PAK1IP1: variants seen among roughly 807,000 people sequenced by gnomAD.
The protein encoded by PAK1IP1 is PAK1 interacting protein 1.
In PAK1IP1, 24 loss-of-function variants were observed where a neutral mutation model predicts 42.0. That is an observed-to-expected ratio of 0.57 (90% confidence interval 0.41 to 0.80). The LOEUF (loss-of-function observed/expected upper bound fraction) is 0.80, where lower values mean the gene tolerates loss of function less well. Among genes scored for constraint, PAK1IP1 ranks in the 30% least tolerant of loss-of-function variants. The pLI is 0.00. For missense variants in PAK1IP1, 411 were observed against 467.9 expected (o/e 0.88, Z 1.12); for synonymous variants, 154 against 156.7 (o/e 0.98, Z 0.13).
chr6:10,705,446 A>T (rs764073606), intron 7 of PAK1IP1, among the ~76,000 whole-genome samples: 1 of 152,224 alleles, frequency 6.6e-6, no homozygotes, highest in African/African-American at 2.4e-5. Context: ...ACAAAAGACT[A>T]AACAATCTTG....
At chr6:10,702,692 C>A in intron 4 of PAK1IP1, 53 bp downstream of exon 4, 1 of 1,234,042 alleles carries the variant, frequency 8.1e-7, no homozygotes, top group Non-Finnish European at 1.2e-6. Flanking sequence ...TTTACTACAG[C>A]TCTCCACCAT....
chr6:10,701,430 T>C (rs1018211288), intron 2 of PAK1IP1, among the ~76,000 whole-genome samples: 9 of 152,212 alleles, frequency 5.9e-5, no homozygotes, highest in African/African-American at 1.7e-4. Context: ...GGCTTCCAAC[T>C]CCATCCACAT....
intron 7 of PAK1IP1, among the ~76,000 whole-genome samples, chr6:10,706,495 A>G (rs1561894604): frequency 6.6e-6 from 1 of 152,132 alleles, no homozygotes; most frequent in Non-Finnish European, 1.5e-5. Context: ...CTTCATCTAT[A>G]TGCCCAGCCA....
chr6:10,693,916 A>G (rs191984446), upstream of PAK1IP1, among the ~76,000 whole-genome samples: 54 of 152,114 alleles, frequency 3.5e-4, no homozygotes, highest in East Asian at 7.6e-3. Context: ...TTTTGTAGAG[A>G]CGGCATCAAA....
At chr6:10,702,254 AGAAAAAG>A in intron 2 of PAK1IP1, 108 bp from the exon 3 acceptor site, 2 of 835,068 alleles carry the variant, frequency 2.4e-6, no homozygotes, top group Non-Finnish European at 1.8e-6. Flanking sequence ...AAAAAAAAAA[AGAAAAAG>A]AAAAAAAGGT....
chr6:10,696,486 CTG>C (rs1236299432), intron 1 of PAK1IP1, among the ~76,000 whole-genome samples: 1 of 151,874 alleles, frequency 6.6e-6, no homozygotes, highest in Non-Finnish European at 1.5e-5. Context: ...GTGTGTGTGT[CTG>C]TGTATTTTGC....
At chr6:10,697,085 T>C (rs1052569574) in intron 1 of PAK1IP1, among the ~76,000 whole-genome samples, 1 of 152,236 alleles carries the variant, frequency 6.6e-6, no homozygotes, top group Admixed American at 6.5e-5. Context: ...CCTGCCCACC[T>C]CCTTGCTTTA....
Position 10,704,223 on chromosome 6 carries a change from C to T in PAK1IP1, c.497-284C>T, listed in dbSNP as rs1056362612. ...TTTTTGGTAGAGAGATGGGGTTTCA[C>T]CATGTTTGCCAGGCTGGTCTCAAAC... On this transcript the variant is annotated intron_variant, in intron 5 of 9. Transcript: ENST00000379568. Among the ~76,000 whole-genome samples the T allele has an allele frequency of 5.3e-5, 8 of 152,082 alleles. No individual in the cohort carries two copies. In the East Asian group the frequency reaches 1.5e-3, roughly 29 times the overall value.
intron 2 of PAK1IP1, among the ~76,000 whole-genome samples, chr6:10,699,463 A>G (rs1769962420): frequency 6.6e-6 from 1 of 152,220 alleles, no homozygotes; most frequent in Non-Finnish European, 1.5e-5. Flanking sequence ...GTTGAAGTCA[A>G]GAAGTAGTAC....
At chr6:10,691,303 A>C (rs1769278496), upstream of PAK1IP1, among the ~76,000 whole-genome samples, 1 of 152,168 alleles carries the variant, frequency 6.6e-6, no homozygotes, top group South Asian at 2.1e-4. Context: ...CACGTCTCCA[A>C]CAACCAAGCT....
At chr6:10,696,762 G>A (rs1769873937) in intron 1 of PAK1IP1, among the ~76,000 whole-genome samples, 1 of 152,194 alleles carries the variant, frequency 6.6e-6, no homozygotes, top group African/African-American at 2.4e-5. Context: ...GGCCAATGTG[G>A]TGAAACCCTG....
intron 4 of PAK1IP1, among the ~76,000 whole-genome samples, chr6:10,702,932 A>G (rs57760150): frequency 0.069 from 10,438 of 151,926 alleles, 1,238 homozygotes; most frequent in African/African-American, 0.24. Context: ...TCAGCCTCCC[A>G]AGTAGCTGGA....
chr6:10,691,929 C>T (rs1387784502), upstream of PAK1IP1, among the ~76,000 whole-genome samples: 2 of 152,044 alleles, frequency 1.3e-5, no homozygotes, highest in Non-Finnish European at 2.9e-5. Context: ...TCTAAAATTC[C>T]TGGTTGGAAC....
intron 2 of PAK1IP1, among the ~76,000 whole-genome samples, chr6:10,699,295 T>C (rs966610016): frequency 1.3e-5 from 2 of 149,812 alleles, no homozygotes; most frequent in African/African-American, 4.9e-5. Flanking sequence ...GGAGTGTGAG[T>C]GCAGAGAGGC....
chr6:10,707,155 C>G (rs376387459), intron 7 of PAK1IP1, among the ~76,000 whole-genome samples: 138 of 152,282 alleles, frequency 9.1e-4, no homozygotes, highest in African/African-American at 3.1e-3. Context: ...TTGTGATAAC[C>G]TGATTATTTA....
chr6:10,695,085 G>C lies in PAK1IP1; in HGVS notation c.84+16G>C. The C allele has an allele frequency of 6.5e-7, 1 of 1,549,310 alleles. No homozygotes were observed. The highest frequency in any genetic ancestry group is 1.1e-5 in the South Asian group (1 of 90,070). On this transcript the variant is annotated intron_variant, in intron 1 of 9. Transcript: ENST00000379568. ...CGACCACGAGGTGAGATACCGCGTA[G>C]TTAGAGACAGTCGGAGGCGGGGCCG...
chr6:10,695,308 G>A (rs1277758936), intron 1 of PAK1IP1, among the ~76,000 whole-genome samples: 1 of 152,162 alleles, frequency 6.6e-6, no homozygotes, highest in East Asian at 1.9e-4. Context: ...AAAGGAAACC[G>A]GCATTTCTGC....
intron 4 of PAK1IP1, among the ~76,000 whole-genome samples, 195 bp downstream of exon 4, chr6:10,702,834 C>G (rs981139015): frequency 2.6e-5 from 4 of 151,846 alleles, no homozygotes; most frequent in African/African-American, 9.7e-5. Context: ...CGCTCTGTCT[C>G]CCTGCTCTGT....
intron 2 of PAK1IP1, among the ~76,000 whole-genome samples, chr6:10,699,347 G>A (rs561217928): frequency 4.1e-4 from 63 of 152,118 alleles, no homozygotes; most frequent in Non-Finnish European, 6.8e-4. Flanking sequence ...TCAGCAAATA[G>A]CTTCCTAGAG....
Sources: allele counts gnomAD v4.1 joint callset (sites outside exome capture counted in the v4.1 genomes callset), GRCh38; gene constraint gnomAD v4.1.1; transcripts MANE v1.5; gene names NCBI Gene and HGNC (gene_info 2026-07-23, HGNC 2026-07-21).